Variants in STAT4 observed in about 807,000 individuals in gnomAD.
STAT4 encodes the protein signal transducer and activator of transcription 4.
Under a neutral mutation model 110.5 loss-of-function variants are expected in STAT4, and 42 were observed. The ratio of observed to expected loss-of-function variants is 0.38; its 90% CI spans 0.30 to 0.49. STAT4 has a LOEUF of 0.49. STAT4 is among the 20% of genes least tolerant of loss of function. The pLI is 0.95. For synonymous variants in STAT4, 284 were observed against 302.2 expected, an observed-to-expected ratio of 0.94 and a Z score of 0.63; for missense variants, 632 against 887.9, an observed-to-expected ratio of 0.71 and a Z score of 3.66.
chr2:191,118,736 T>G (rs1470050924), intron 3 of STAT4, among the ~76,000 whole-genome samples: 1 of 152,160 alleles, frequency 6.6e-6, no homozygotes, highest in Non-Finnish European at 1.5e-5. Context: ...GAAATGGAAT[T>G]GCTTTGTCAC....
At chr2:191,125,051 G>C (rs1035804327) in intron 3 of STAT4, among the ~76,000 whole-genome samples, 2 of 152,204 alleles carry the variant, frequency 1.3e-5, no homozygotes, top group Non-Finnish European at 2.9e-5. Flanking sequence ...CGAGGGAAAA[G>C]ATTTGGTGAG....
intron 3 of STAT4, among the ~76,000 whole-genome samples, chr2:191,088,317 T>C (rs1553510990): frequency 6.6e-6 from 1 of 152,178 alleles, no homozygotes; most frequent in South Asian, 2.1e-4. Context: ...ATGCTACTCA[T>C]ATTAGCACAA....
At chr2:191,081,477 A>G (rs750112122) in intron 3 of STAT4, among the ~76,000 whole-genome samples, 1 of 152,134 alleles carries the variant, frequency 6.6e-6, no homozygotes, top group African/African-American at 2.4e-5. Flanking sequence ...AAGTGTTCCT[A>G]TTTCTCCACA....
At chr2:191,094,240 G>A (rs988415401) in intron 3 of STAT4, among the ~76,000 whole-genome samples, 1 of 152,064 alleles carries the variant, frequency 6.6e-6, no homozygotes, top group Non-Finnish European at 1.5e-5. Flanking sequence ...TACAGAGAAC[G>A]CCACAAAGAT....
chr2:191,039,258 G>T lies in STAT4; in HGVS notation c.1375C>A (p.Gln459Lys). Reference protein sequence around the residue: ...LPVVMISNVSQLPNAWASIIW... With the variant: ...LPVVMISNVSKLPNAWASIIW... ...ATGGATGCCCAAGCATTAGGTAACT[G>T]ACTGACATTGGAAATCATCACCACA... The change falls in exon 16 of 24, where the codon CAG becomes AAG. Residue 459 changes from glutamine to lysine, a missense_variant. Coordinates refer to ENST00000392320, the MANE Select transcript of STAT4 (RefSeq NM_003151.4). This position sits in a 1 kb window ranked among gnomAD's most constrained non-coding sequence, Gnocchi z 4.7. The T allele has an allele frequency of 6.2e-7, 1 of 1,614,212 alleles. No homozygotes were observed. Among genetic ancestry groups the T allele is most frequent in the South Asian group, 1.1e-5 (1 of 91,068 alleles).
chr2:191,033,375 C>T lies in STAT4; in HGVS notation c.1852+115G>A. On this transcript the variant is annotated intron_variant, in intron 20 of 23. Coordinates refer to ENST00000392320, the MANE Select transcript of STAT4 (RefSeq NM_003151.4). This position sits in a 1 kb window ranked among gnomAD's most constrained non-coding sequence, Gnocchi z 6.9. ...ACAACTGCAACTACTAATATTCAAG[C>T]CCACTGAATACATCACAGACAGATC... 2 of 1,287,632 alleles carry T rather than the reference C, an allele frequency of 1.6e-6. No homozygotes were observed. The highest frequency in any genetic ancestry group is 3.1e-5 in the South Asian group (2 of 65,248). 79.8% of individuals were successfully genotyped at this position (1,287,632 alleles called of 1,614,324 possible). A position where few individuals can be genotyped will look rare whatever the true frequency, so the allele number is the denominator to read the frequency against.
chr2:191,120,624 A>G (rs1453041074), intron 3 of STAT4, among the ~76,000 whole-genome samples: 1 of 152,170 alleles, frequency 6.6e-6, no homozygotes, highest in Non-Finnish European at 1.5e-5. Context: ...GGTACCACAC[A>G]TCTACAACCA....
chr2:191,098,426 T>C (rs1405851530), intron 3 of STAT4, among the ~76,000 whole-genome samples: 2 of 152,194 alleles, frequency 1.3e-5, no homozygotes, highest in African/African-American at 4.8e-5. Flanking sequence ...TGGAATACTA[T>C]GCAGCCATAA....
intron 5 of STAT4, 113 bp from the exon 6 acceptor site, chr2:191,069,884 C>A (rs1020031091): frequency 1.7e-5 from 13 of 758,524 alleles, no homozygotes; most frequent in South Asian, 5.2e-5. Flanking sequence ...CAACAGCAAC[C>A]AAAGACCATA....
At chr2:191,109,402 A>T (rs571606509) in intron 3 of STAT4, among the ~76,000 whole-genome samples, 1 of 152,124 alleles carries the variant, frequency 6.6e-6, no homozygotes, top group Non-Finnish European at 1.5e-5. Context: ...CACTCAGCAA[A>T]TATCTACTGA....
intron 4 of STAT4, among the ~76,000 whole-genome samples, chr2:191,074,856 A>T (rs190694961): frequency 6.6e-6 from 1 of 152,290 alleles, no homozygotes; most frequent in East Asian, 1.9e-4. Flanking sequence ...GAATTTTTTA[A>T]GAGTTAAATA....
upstream of STAT4, chr2:191,151,196 C>CTCTTCCCTCT (rs2125472187): frequency 1.0e-5 from 10 of 985,672 alleles, no homozygotes; most frequent in South Asian, 1.9e-4. This position sits in a 1 kb window ranked among gnomAD's most constrained non-coding sequence, Gnocchi z 4.7. Flanking sequence ...ACCGGGCGTC[C>CTCTTCCCTCT]TCTTCCCTCT....
chr2:191,031,530 A>C lies in STAT4; in HGVS notation c.2045-14T>G, dbSNP rs1268359331. 1 of 1,611,290 alleles carries C rather than the reference A, an allele frequency of 6.2e-7. No individual in the cohort carries two copies. On this transcript the variant is annotated splice_polypyrimidine_tract_variant and intron_variant, in intron 21 of 23. Transcript: ENST00000392320. This position sits in a 1 kb window ranked among gnomAD's most constrained non-coding sequence, Gnocchi z 4.8. Reference sequence around the variant, plus strand: ...TTGGTCTTGAAACTGGAAAACAAAAAGGCACAATGTTGGGGAAAAAAATGT... The same window carrying C: ...TTGGTCTTGAAACTGGAAAACAAAACGGCACAATGTTGGGGAAAAAAATGT...
Position 191,112,679 on chromosome 2 carries a change from G to A in STAT4, c.273+33934C>T, listed in dbSNP as rs1698455978. On this transcript the variant is annotated intron_variant, in intron 3 of 23. Coordinates refer to ENST00000392320, the MANE Select transcript of STAT4 (RefSeq NM_003151.4). This position sits in a 1 kb window ranked among gnomAD's most constrained non-coding sequence, Gnocchi z 4.3. ...GACCTCATTTTTGACAACTTTGTGA[G>A]GTGTTATTATTACTCCATTTCTGCA... is the stretch of plus-strand genomic sequence containing the variant. Among the ~76,000 whole-genome samples the A allele has an allele frequency of 6.6e-6, 1 of 152,160 alleles. No homozygotes were observed. Among genetic ancestry groups the A allele is most frequent in the Non-Finnish European group, 1.5e-5 (1 of 68,018 alleles).
chr2:191,064,833 G>C lies in STAT4; in HGVS notation c.756C>G (p.His252Gln), dbSNP rs1696943226. 1 of 1,613,144 alleles carries C rather than the reference G, an allele frequency of 6.2e-7. No homozygotes were observed. Among genetic ancestry groups the C allele is most frequent in the Non-Finnish European group, 8.5e-7 (1 of 1,179,572 alleles). ...AGTTCTGAAGCTGGTCGAGCCCATT[G>C]TGGAGTGGACCCCCGATGCAGGCGA... is the stretch of plus-strand genomic sequence containing the variant. ...QQIACIGGPL[H>Q]NGLDQLQNCF... is the part of the protein sequence containing the mutation. Residue 252 changes from histidine (H) to glutamine (Q), a missense_variant, in exon 8 of 24, where the codon CAC (histidine) becomes CAG (glutamine). His to Gln is a conservative substitution (Grantham distance 24, BLOSUM62 0). Around this residue, in one of 4 missense-constraint regions of STAT4, gnomAD observed 488 missense variants for 632.8 expected, o/e 0.77. Transcript: ENST00000392320.
Position 191,146,710 on chromosome 2 carries a change from T to C in STAT4, c.176A>G (p.Asn59Ser). The C allele has an allele frequency of 6.3e-7, 1 of 1,588,216 alleles. No individual in the cohort carries two copies. Among genetic ancestry groups the C allele is most frequent in the Non-Finnish European group, 8.6e-7 (1 of 1,168,676 alleles). Residue 59 changes from asparagine to serine, a missense_variant, in exon 3 of 24, where the codon AAC becomes AGC. By Grantham distance (46) the Asn-to-Ser change is conservative (BLOSUM62 1). Around this residue, in one of 4 missense-constraint regions of STAT4, gnomAD observed 488 missense variants for 632.8 expected, o/e 0.77. Transcript: ENST00000392320. This position sits in a 1 kb window ranked among gnomAD's most constrained non-coding sequence, Gnocchi z 4.5. ...NETMATILLQ[N>S]LLIQLDEQLG... ...CTGTTCATCCAGTTGTATTAACAAG[T>C]TTTGAAGAAGAATCGTTGCCATGGT... is the stretch of plus-strand genomic sequence containing the variant.
At position 191,053,921 on chromosome 2, in the gene STAT4, G is replaced by T. The variant is rs1016595019; in HGVS notation, c.1251+569C>A. Among the ~76,000 whole-genome samples, 82 of 152,150 alleles carry T rather than the reference G, an allele frequency of 5.4e-4. No homozygotes were observed. Among genetic ancestry groups the T allele is most frequent in the African/African-American group, 1.9e-3 (80 of 41,508 alleles). ...GGTGGGTGGATCACTTGAGCCAAGG[G>T]GTTCAAGACCAGCCTGGGAAACATG... On this transcript the variant is annotated intron_variant, in intron 14 of 23. Transcript: ENST00000392320. The surrounding 1 kb of genome is among the most constrained non-coding windows in gnomAD (Gnocchi z 4.5).
At chr2:191,129,517 C>T (rs1698973271) in intron 3 of STAT4, among the ~76,000 whole-genome samples, 1 of 152,118 alleles carries the variant, frequency 6.6e-6, no homozygotes, top group Admixed American at 6.5e-5. Flanking sequence ...TGTATCAAAA[C>T]ACATAAAGCA....
In STAT4 at chr2:191,082,881, T is replaced by C. The variant is rs953067849; in HGVS notation, c.274-6556A>G. Among the ~76,000 whole-genome samples, 4 of 152,198 alleles carry C rather than the reference T, an allele frequency of 2.6e-5. No homozygotes were observed. The highest frequency in any genetic ancestry group is 6.5e-5 in the Admixed American group (1 of 15,280). The stretch of plus-strand genomic sequence containing the variant: ...TCACTCCTCTGAGTTCTTTTCCCAG[T>C]GGCCCTCTTAAAAATGTAAACACAT... On this transcript the variant is annotated intron_variant, in intron 3 of 23. Transcript: ENST00000392320. The surrounding 1 kb of genome is among the most constrained non-coding windows in gnomAD (Gnocchi z 4.7).
Sources: allele counts gnomAD v4.1 joint callset (sites outside exome capture counted in the v4.1 genomes callset), GRCh38; gene constraint gnomAD v4.1.1; regional missense constraint gnomAD v4.1.1; non-coding constraint Gnocchi (gnomAD v3.1); transcripts MANE v1.5; gene names NCBI Gene and HGNC (gene_info 2026-07-23, HGNC 2026-07-21).